Variants in ASXL3 observed in about 807,000 individuals in gnomAD.
ASXL3 encodes the protein ASXL transcriptional regulator 3, also known as putative Polycomb group protein ASXL3.
A neutral mutation model predicts 170.6 loss-of-function variants in ASXL3; 34 were observed. The observed-to-expected ratio is 0.20, with a 90% confidence interval of 0.15 to 0.27. The LOEUF is 0.27. Ranked by LOEUF, ASXL3 falls within the 10% of genes least tolerant of loss-of-function variation. The pLI, the probability that ASXL3 is intolerant of heterozygous loss-of-function variation, is 1.00. For synonymous variants in ASXL3, 1,002 were observed against 989.1 expected (o/e 1.01, Z -0.24); for missense variants, 2,592 against 2,695.3 (o/e 0.96, Z 0.85).
chr18:33,685,371 A>T (rs2145290000), intron 8 of ASXL3, among the ~76,000 whole-genome samples: 1 of 152,264 alleles, frequency 6.6e-6, no homozygotes. Flanking sequence ...ATAACACTTG[A>T]AGCAGGTATA....
rs538578888 is a variant in ASXL3 at position 33,707,445 on chromosome 18, G to C, written c.879+23877G>C. On this transcript the variant is annotated intron_variant, in intron 8 of 11. Coordinates refer to ENST00000269197, the MANE Select transcript of ASXL3 (RefSeq NM_030632.3). ...AGGTAGTACATCATTTGATCAATTT[G>C]TTCCTGTGTCTTTGCTGATTTTTGC... Among the ~76,000 whole-genome samples the C allele has an allele frequency of 4.0e-5, 6 of 151,738 alleles. No individual in the cohort carries two copies. In the South Asian group the frequency reaches 1.2e-3, roughly 31 times the overall value.
intron 9 of ASXL3, among the ~76,000 whole-genome samples, chr18:33,732,455 T>C (rs1203023248): frequency 6.6e-6 from 1 of 152,162 alleles, no homozygotes; most frequent in Non-Finnish European, 1.5e-5. Context: ...CCAAGTTTCT[T>C]GAAAGACTAC....
Position 33,631,241 on chromosome 18 carries a change from A to G in ASXL3, c.138-13653A>G, listed in dbSNP as rs143844855. 7.6e-3 allele frequency among the ~76,000 whole-genome samples: 1,162 copies of G among 152,224 alleles called. 13 individuals carry two copies. Among genetic ancestry groups the G allele is most frequent in the African/African-American group, 0.027 (1,104 of 41,584 alleles). ...CCCTCTAGCATCATGGTCAAAGGAC[A>G]GGAACAGCAGAGGAGCTCTAACGCA... On this transcript the variant is annotated intron_variant, in intron 2 of 11. Transcript: ENST00000269197.
At chr18:33,626,325 G>A (rs748425164) in intron 2 of ASXL3, among the ~76,000 whole-genome samples, 7 of 151,932 alleles carry the variant, frequency 4.6e-5, no homozygotes, top group Non-Finnish European at 8.8e-5. Context: ...TAAGGTTCCT[G>A]GCCCTGCTCC....
intron 9 of ASXL3, among the ~76,000 whole-genome samples, chr18:33,732,421 T>C (rs773577689): frequency 6.6e-6 from 1 of 152,206 alleles, no homozygotes; most frequent in Non-Finnish European, 1.5e-5. Context: ...AAGTTACTGC[T>C]TCACCTTATC....
chr18:33,714,396 C>T (rs1255375036), intron 8 of ASXL3, among the ~76,000 whole-genome samples: 1 of 152,084 alleles, frequency 6.6e-6, no homozygotes, highest in Non-Finnish European at 1.5e-5. Flanking sequence ...CTCCATTTCA[C>T]CCTCTTTTCA....
chr18:33,732,932 C>G lies in ASXL3; in HGVS notation c.976+868C>G, dbSNP rs149210163. Among the ~76,000 whole-genome samples, 4 of 151,688 alleles carry G rather than the reference C, an allele frequency of 2.6e-5. No homozygotes were observed. The East Asian group carries it at 7.8e-4, about 29-fold the overall frequency. Reference sequence around the variant, plus strand: ...TTCTCAGCCCTTACATTTCAAGTTCCTTCACCAATATCTCATTTGTTTTTT... The same window carrying G: ...TTCTCAGCCCTTACATTTCAAGTTCGTTCACCAATATCTCATTTGTTTTTT... On this transcript the variant is annotated intron_variant, in intron 9 of 11. Coordinates refer to ENST00000269197, the MANE Select transcript of ASXL3 (RefSeq NM_030632.3).
rs8086318 is a variant in ASXL3, at chr18:33,683,356, G to T, written c.716-49G>T. ...TGTGTTTGTGTGTACGTACGTACACGTTTCCCTCTACCTGTAGTAAATTCA... is the reference window on the plus strand; with the variant it reads ...TGTGTTTGTGTGTACGTACGTACACTTTTCCCTCTACCTGTAGTAAATTCA... On this transcript the variant is annotated intron_variant, in intron 7 of 11. Coordinates refer to ENST00000269197, the MANE Select transcript of ASXL3 (RefSeq NM_030632.3). The T allele has an allele frequency of 2.6e-6, 4 of 1,532,844 alleles. No individual in the cohort carries two copies. In the South Asian group the frequency reaches 3.7e-5, roughly 14 times the overall value. The allele number at this position is 1,532,844 out of a possible 1,614,324, so 95.0% of individuals were successfully genotyped here. A position where few individuals can be genotyped will look rare whatever the true frequency, so the allele number is the denominator to read the frequency against.
chr18:33,654,855 T>G (rs892454153), intron 4 of ASXL3, among the ~76,000 whole-genome samples: 3 of 152,078 alleles, frequency 2.0e-5, no homozygotes, highest in Non-Finnish European at 4.4e-5. Context: ...TAAATATATT[T>G]ATTTTTGGTT....
intron 7 of ASXL3, 63 bp downstream of exon 7, chr18:33,671,929 A>G: frequency 7.2e-7 from 1 of 1,398,268 alleles, no homozygotes; most frequent in Non-Finnish European, 9.5e-7. Flanking sequence ...CAAATAAATT[A>G]TCTAAAATTT....
chr18:33,740,760 C>T (rs1284350425), intron 11 of ASXL3, among the ~76,000 whole-genome samples: 1 of 152,088 alleles, frequency 6.6e-6, no homozygotes, highest in South Asian at 2.1e-4. Context: ...CTATGTAAAC[C>T]TGGGAAAATG....
At chr18:33,675,473 T>A (rs2066410955) in intron 7 of ASXL3, among the ~76,000 whole-genome samples, 1 of 152,202 alleles carries the variant, frequency 6.6e-6, no homozygotes, top group African/African-American at 2.4e-5. Flanking sequence ...GTTGAAACCA[T>A]GCTGAATTAA....
rs2067827011 is a variant in ASXL3, at chr18:33,748,134, A to G, written c.*1539A>G. ...AAAGCAAACATGGGGGGGGTGGGGAATCATCTGTATCCAGGGTAAGAATGA... is the reference window on the plus strand; with the variant it reads ...AAAGCAAACATGGGGGGGGTGGGGAGTCATCTGTATCCAGGGTAAGAATGA... On this transcript the variant is annotated 3_prime_UTR_variant, in exon 12 of 12. Coordinates refer to ENST00000269197, the MANE Select transcript of ASXL3 (RefSeq NM_030632.3). 1 of 152,066 alleles carries G rather than the reference A, an allele frequency of 6.6e-6. No individual in the cohort carries two copies. Among genetic ancestry groups the G allele is most frequent in the South Asian group, 2.1e-4 (1 of 4,826 alleles). 9.4% of individuals were successfully genotyped at this position (152,066 alleles called of 1,614,324 possible).
At chr18:33,676,065 C>A (rs180763876) in intron 7 of ASXL3, among the ~76,000 whole-genome samples, 1,515 of 150,908 alleles carry the variant, frequency 0.01, 29 homozygotes, top group African/African-American at 0.034. Flanking sequence ...TCTACTAAAA[C>A]TACAAAAAAT....
At chr18:33,716,429 A>G (rs1401892152) in intron 8 of ASXL3, among the ~76,000 whole-genome samples, 1 of 152,184 alleles carries the variant, frequency 6.6e-6, no homozygotes, top group Non-Finnish European at 1.5e-5. Context: ...GGAACTTCTC[A>G]TCAGTTGCTA....
intron 8 of ASXL3, among the ~76,000 whole-genome samples, chr18:33,705,133 CAGTTGAT>C (rs1465175510): frequency 1.3e-5 from 2 of 151,564 alleles, no homozygotes; most frequent in African/African-American, 4.8e-5. Context: ...CTTCAATATA[CAGTTGAT>C]TCTTAAGAGA....
At chr18:33,579,489 T>C (rs924874381) in intron 1 of ASXL3, among the ~76,000 whole-genome samples, 4 of 152,198 alleles carry the variant, frequency 2.6e-5, no homozygotes, top group Admixed American at 1.3e-4. Flanking sequence ...TCCTTTTCTT[T>C]AACCTTTCGG....
intron 4 of ASXL3, among the ~76,000 whole-genome samples, chr18:33,651,487 T>C (rs1307441416): frequency 6.6e-6 from 1 of 151,944 alleles, no homozygotes; most frequent in Non-Finnish European, 1.5e-5. Context: ...GGGAGATGAG[T>C]ACACCATCTG....
rs1226619353 is a variant in ASXL3, at chr18:33,713,248, G to GTTT, written c.880-18696_880-18694dup. Among the ~76,000 whole-genome samples, 50 of 65,090 alleles carry GTTT rather than the reference G, an allele frequency of 7.7e-4. 1 individual carries two copies. The highest frequency in any genetic ancestry group is 1.7e-3 in the East Asian group (4 of 2,414). 42.7% of individuals were successfully genotyped at this position (65,090 alleles called of 152,430 possible). A position where few individuals can be genotyped will look rare whatever the true frequency, so the allele number is the denominator to read the frequency against. On this transcript the variant is annotated intron_variant, in intron 8 of 11. Coordinates refer to ENST00000269197, the MANE Select transcript of ASXL3 (RefSeq NM_030632.3). Reference sequence around the variant, plus strand: ...AAGAAGGTTTTTTTTGTTTTGTTTTGTTTTTTTTTTTTTTTTTTTTTTTTT... The same window carrying GTTT: ...AAGAAGGTTTTTTTTGTTTTGTTTTGTTTTTTTTTTTTTTTTTTTTTTTTTTTT...
Sources: allele counts gnomAD v4.1 joint callset (sites outside exome capture counted in the v4.1 genomes callset), GRCh38; gene constraint gnomAD v4.1.1; transcripts MANE v1.5; gene names NCBI Gene and HGNC (gene_info 2026-07-23, HGNC 2026-07-21).